Variants in TCOF1 observed in about 807,000 individuals in gnomAD.
TCOF1 encodes treacle protein.
A neutral mutation model predicts 149.0 loss-of-function variants in TCOF1; 33 were observed. The ratio of observed to expected loss-of-function variants is 0.22; its 90% CI spans 0.17 to 0.30. The LOEUF is 0.30. Ranked by LOEUF, TCOF1 falls within the 10% of genes least tolerant of loss-of-function variation. The probability of loss-of-function intolerance (pLI) is 1.00; values close to 1 mark genes in which losing one functional copy is unlikely to be tolerated. For synonymous variants in TCOF1, 789 were observed against 738.8 expected (o/e 1.07, Z -1.10); for missense variants, 1,728 against 1,840.7 (o/e 0.94, Z 1.12).
intron 23 of TCOF1, chr5:150,393,960 A>G (rs1381171726): frequency 3.4e-6 from 1 of 297,554 alleles, no homozygotes; most frequent in African/African-American, 2.2e-5. Flanking sequence ...ATAGTGAGCC[A>G]TGATCATGCC....
At position 150,374,802 on chromosome 5, in the gene TCOF1, G is replaced by C. The variant is rs72492454; in HGVS notation, c.1269G>C (p.Ala423=). 4 of 1,607,160 alleles carry C rather than the reference G, an allele frequency of 2.5e-6. No homozygotes were observed. Among genetic ancestry groups the C allele is most frequent in the Non-Finnish European group, 3.4e-6 (4 of 1,177,294 alleles). The change falls in exon 9 of 27, where the codon GCG becomes GCC. Residue 423 remains alanine, a synonymous_variant. Coordinates refer to ENST00000643257, the MANE Select transcript of TCOF1 (RefSeq NM_001371623.1). The part of the protein sequence containing the change: ...SSEESDSEEE[A]PAQAKPSGKA... ...AGGAATCGGACAGTGAGGAGGAGGC[G>C]CCTGCTCAGGTGAGGCAGAGGGGAG...
At chr5:150,393,773 G>T in intron 23 of TCOF1, 1 of 605,710 alleles carries the variant, frequency 1.7e-6, no homozygotes, top group Admixed American at 2.9e-5. Flanking sequence ...CAGCACTTTG[G>T]GAGGCCGAGG....
chr5:150,376,588 G>C lies in TCOF1; in HGVS notation c.2308G>C (p.Asp770His). The C allele has an allele frequency of 6.3e-7, 1 of 1,582,026 alleles. No individual in the cohort carries two copies. The highest frequency in any genetic ancestry group is 2.3e-5 in the East Asian group (1 of 42,932). The change falls in exon 14 of 27, where the codon GAC becomes CAC. Residue 770 changes from aspartate (D) to histidine (H), a missense_variant. By Grantham distance (81) the Asp-to-His change is moderately conservative. Around this residue, in one of 2 missense-constraint regions of TCOF1, gnomAD observed 1,696 missense variants for 1,765.4 expected, o/e 0.96. Coordinates refer to ENST00000643257, the MANE Select transcript of TCOF1 (RefSeq NM_001371623.1). ...CTCTGAGAGCAGTGAGGAGGAATCA[G>C]ACAGTGAGGAAGCAGCTGCATCTCC... Reference protein sequence around the residue: ...EDSESSEEESDSEEAAASPAQ... With the variant: ...EDSESSEEESHSEEAAASPAQ...
chr5:150,371,216 C>G (rs1478987323), intron 6 of TCOF1, among the ~76,000 whole-genome samples: 1 of 152,108 alleles, frequency 6.6e-6, no homozygotes. Flanking sequence ...GCCCAGTAAC[C>G]CTGTGAAGGT....
chr5:150,375,794 G>T lies in TCOF1; in HGVS notation c.1778G>T (p.Gly593Val). The change falls in exon 12 of 27, where the codon GGG becomes GTG. Residue 593 changes from glycine to valine, a missense_variant. Coordinates refer to ENST00000643257, the MANE Select transcript of TCOF1 (RefSeq NM_001371623.1). Reference protein sequence around the residue: ...SPAKGPPQKAGPVAVQVKAEK... With the variant: ...SPAKGPPQKAVPVAVQVKAEK... ...GCCAAGGGGCCCCCTCAGAAGGCAG[G>T]GCCTGTAGCCGTCCAGGTCAAGGCT... is the stretch of plus-strand genomic sequence containing the variant. The T allele has an allele frequency of 6.2e-7, 1 of 1,614,252 alleles. No homozygotes were observed. The highest frequency in any genetic ancestry group is 1.6e-4 in the Middle Eastern group (1 of 6,062).
chr5:150,384,890 C>T (rs1419665297), intron 17 of TCOF1: 3 of 985,272 alleles, frequency 3.0e-6, no homozygotes, highest in Middle Eastern at 5.2e-4. Flanking sequence ...ATTAGCCCAT[C>T]AGTGGGGAAA....
intron 17 of TCOF1, chr5:150,383,987 C>T: frequency 7.1e-7 from 1 of 1,399,820 alleles, no homozygotes. Flanking sequence ...CTTTGTCCTC[C>T]TCTAGCCCCA....
At position 150,375,540 on chromosome 5, in the gene TCOF1, G is replaced by A. The variant is rs1234723720; in HGVS notation, c.1690G>A (p.Val564Met). The part of the protein sequence containing the change: ...DSSDGEVPTA[V>M]APAQEKSLGN... ...CAGTGATGGAGAGGTGCCCACAGCT[G>A]TGGCCCCGGCTCAGGTGAGGCCCCT... Residue 564 changes from valine to methionine, a missense_variant, in exon 11 of 27, where the codon GTG becomes ATG. Transcript: ENST00000643257. 6.2e-7 allele frequency: 1 copy of A among 1,614,072 alleles called. No individual in the cohort carries two copies. Among genetic ancestry groups the A allele is most frequent in the Admixed American group, 1.7e-5 (1 of 60,022 alleles).
intron 22 of TCOF1, chr5:150,393,103 C>G (rs1266857505): frequency 1.7e-6 from 1 of 590,802 alleles, no homozygotes; most frequent in African/African-American, 1.9e-5. Context: ...CTGTATGTGG[C>G]AAAAGCTAGT....
At chr5:150,387,594 C>A (rs1290709922) in intron 17 of TCOF1, among the ~76,000 whole-genome samples, 1 of 152,212 alleles carries the variant, frequency 6.6e-6, no homozygotes, top group Non-Finnish European at 1.5e-5. Flanking sequence ...GGGACAGCAG[C>A]CTTGGGTCGC....
chr5:150,400,276 AGACTT>A lies in TCOF1; in HGVS notation c.*491_*495del, dbSNP rs1388706170. The A allele has an allele frequency of 6.6e-6, 1 of 151,662 alleles. No individual in the cohort carries two copies. The highest frequency in any genetic ancestry group is 1.5e-5 in the Non-Finnish European group (1 of 67,854). 9.4% of individuals were successfully genotyped at this position (151,662 alleles called of 1,614,324 possible). A position where few individuals can be genotyped will look rare whatever the true frequency, so the allele number is the denominator to read the frequency against. On this transcript the variant is annotated 3_prime_UTR_variant, in exon 27 of 27. Coordinates refer to ENST00000643257, the MANE Select transcript of TCOF1 (RefSeq NM_001371623.1). ...TTTAATAACTCAAAAAAAAAATAAAAGACTTGGAGGAAGGGTGCAAGCTCCCAGTG... is the reference window on the plus strand; with the variant it reads ...TTTAATAACTCAAAAAAAAAATAAAAGGAGGAAGGGTGCAAGCTCCCAGTG...
At chr5:150,375,587 T>G in intron 11 of TCOF1, 33 bp downstream of exon 11, 1 of 1,613,072 alleles carries the variant, frequency 6.2e-7, no homozygotes, top group Non-Finnish European at 8.5e-7. Flanking sequence ...TCTTTCTTTT[T>G]CCCCCCCACT....
chr5:150,392,229 G>T lies in TCOF1; in HGVS notation c.3517+53G>T, dbSNP rs927041357. On this transcript the variant is annotated intron_variant, in intron 21 of 26. Transcript: ENST00000643257. The stretch of plus-strand genomic sequence containing the variant: ...TGGGCCAGGAAGAGGGTGTTGTGTG[G>T]CCTGGTGGAGCCATAGCTCTGGCCT... 22 of 1,573,142 alleles carry T rather than the reference G, an allele frequency of 1.4e-5. 1 individual carries two copies. In the Admixed American group the frequency reaches 1.5e-4, roughly 11 times the overall value.
At position 150,396,657 on chromosome 5, in the gene TCOF1, C is replaced by A. The variant is rs1581225138; in HGVS notation, c.4160C>A (p.Ser1387Tyr). Reference protein sequence around the residue: ...SVSPEKTSTTSKGKAKRDKAS... With the variant: ...SVSPEKTSTTYKGKAKRDKAS... ...TCCCCAGAAAAGACCTCCACGACTT[C>A]CAAGGGGAAAGCAAAGAGAGACAAA... The change falls in exon 24 of 27, where the codon TCC (serine) becomes TAC (tyrosine). Residue 1387 changes from serine to tyrosine, a missense_variant. Ser to Tyr is a moderately radical substitution (Grantham distance 144). Around this residue, in one of 2 missense-constraint regions of TCOF1, gnomAD observed 1,696 missense variants for 1,765.4 expected, o/e 0.96. Transcript: ENST00000643257. 6.2e-7 allele frequency: 1 copy of A among 1,610,098 alleles called. No homozygotes were observed. The highest frequency in any genetic ancestry group is 1.7e-4 in the Middle Eastern group (1 of 6,048).
At position 150,392,101 on chromosome 5, in the gene TCOF1, G is replaced by A. The variant is rs769189048; in HGVS notation, c.3442G>A (p.Asp1148Asn). 1.1e-5 allele frequency: 17 copies of A among 1,614,242 alleles called. No individual in the cohort carries two copies. The Admixed American group carries it at 2.5e-4, about 24-fold the overall frequency. ...CCCTGAGAGCTCAGATGACAGTGAGGACAGCAGCGACAGTTCTTCAGGGAG... is the reference window on the plus strand; with the variant it reads ...CCCTGAGAGCTCAGATGACAGTGAGAACAGCAGCGACAGTTCTTCAGGGAG... ...KAPESSDDSE[D>N]SSDSSSGSEE... Residue 1148 changes from aspartate to asparagine, a missense_variant, in exon 21 of 27, where the codon GAC becomes AAC. Asp to Asn is a conservative substitution (Grantham distance 23). Around this residue, in one of 2 missense-constraint regions of TCOF1, gnomAD observed 1,696 missense variants for 1,765.4 expected, o/e 0.96. Coordinates refer to ENST00000643257, the MANE Select transcript of TCOF1 (RefSeq NM_001371623.1).
In TCOF1 at chr5:150,396,427, C is replaced by G; in HGVS notation, c.3930C>G (p.Ala1310=). The change falls in exon 24 of 27, where the codon GCC becomes GCG. Residue 1310 remains alanine (A), a synonymous_variant. Coordinates refer to ENST00000643257, the MANE Select transcript of TCOF1 (RefSeq NM_001371623.1). Reference sequence around the variant, plus strand: ...GCCAACCCTGGCCCCTGAATGAGGCCCAGGTGCAGGCCTCAGTGGTGAAGG... The same window carrying G: ...GCCAACCCTGGCCCCTGAATGAGGCGCAGGTGCAGGCCTCAGTGGTGAAGG... ...LLGQPWPLNE[A]QVQASVVKVL... is the part of the protein sequence containing the mutation. 6.2e-7 allele frequency: 1 copy of G among 1,614,046 alleles called. No homozygotes were observed. The highest frequency in any genetic ancestry group is 8.5e-7 in the Non-Finnish European group (1 of 1,180,034).
intron 19 of TCOF1, among the ~76,000 whole-genome samples, chr5:150,390,353 G>A (rs1767155827): frequency 6.6e-6 from 1 of 152,076 alleles, no homozygotes; most frequent in Non-Finnish European, 1.5e-5. Flanking sequence ...GCCCTTTTTT[G>A]GTGTTTGTAA....
intron 17 of TCOF1, among the ~76,000 whole-genome samples, chr5:150,382,073 A>G (rs1765329345): frequency 1.3e-5 from 2 of 152,198 alleles, no homozygotes; most frequent in South Asian, 2.1e-4. Flanking sequence ...GCACCAGCCT[A>G]TAATCCCAGT....
chr5:150,357,973 T>C (rs1399745728), intron 1 of TCOF1, 119 bp downstream of exon 1: 1 of 995,882 alleles, frequency 1.0e-6, no homozygotes, highest in Non-Finnish European at 1.4e-6. Context: ...CCCGCAGTGC[T>C]CGACGGCGCG....
Sources: allele counts gnomAD v4.1 joint callset (sites outside exome capture counted in the v4.1 genomes callset), GRCh38; gene constraint gnomAD v4.1.1; regional missense constraint gnomAD v4.1.1; transcripts MANE v1.5; gene names NCBI Gene and HGNC (gene_info 2026-07-23, HGNC 2026-07-21).